The following CYP2S1 variants were observed in gnomAD, a reference collection of about 807,000 sequenced individuals.
CYP2S1 encodes the protein cytochrome P450 2S1.
Under a neutral mutation model 43.5 loss-of-function variants are expected in CYP2S1, and 32 were observed. That is an observed-to-expected ratio of 0.74 (90% CI 0.56 to 0.99). The LOEUF (loss-of-function observed/expected upper bound fraction) is 0.99. Among genes scored for constraint, CYP2S1 ranks in the 50% least tolerant of loss-of-function variants. The probability of loss-of-function intolerance (pLI) is 0.00; values close to 1 mark genes in which losing one functional copy is unlikely to be tolerated. For synonymous variants in CYP2S1, 283 were observed against 302.9 expected, an observed-to-expected ratio of 0.93 and a Z score of 0.68; for missense variants, 575 against 673.9, an observed-to-expected ratio of 0.85 and a Z score of 1.62.
At chr19:41,194,738 T>C in intron 2 of CYP2S1, 29 bp downstream of exon 2, 1 of 1,588,652 alleles carries the variant, frequency 6.3e-7, no homozygotes, top group Non-Finnish European at 8.5e-7. Flanking sequence ...GGCCCTCCGC[T>C]CACAGCCTGC....
chr19:41,203,788 T>C lies in CYP2S1; in HGVS notation c.1164+151T>C, dbSNP rs2033525437. ...ATCTCCCTCTCTTTCTCTGTCTCTG[T>C]CTTCCTCCTCCACTCCTACCCCCCT... On this transcript the variant is annotated intron_variant, in intron 7 of 8. Transcript: ENST00000310054. 23 of 833,566 alleles carry C rather than the reference T, an allele frequency of 2.8e-5. No individual in the cohort carries two copies. The South Asian group carries it at 3.6e-4, about 13-fold the overall frequency. 51.6% of individuals were successfully genotyped at this position (833,566 alleles called of 1,614,324 possible). A position where few individuals can be genotyped will look rare whatever the true frequency, so the allele number is the denominator to read the frequency against.
At chr19:41,193,597 G>C (rs1164479953) in intron 1 of CYP2S1, 156 bp downstream of exon 1, 2 of 1,316,284 alleles carry the variant, frequency 1.5e-6, no homozygotes, top group African/African-American at 1.5e-5. Context: ...GTTGGGGGCA[G>C]GAGCAGGTTG....
intron 7 of CYP2S1, among the ~76,000 whole-genome samples, chr19:41,205,342 T>TTTTC (rs3082705): frequency 0.032 from 3,598 of 111,634 alleles, 113 homozygotes; most frequent in Admixed American, 0.099. Context: ...TTCTTTCTTT[T>TTTTC]TTTCTTTCTT....
At chr19:41,204,190 T>A (rs1197284120) in intron 7 of CYP2S1, among the ~76,000 whole-genome samples, 2 of 152,134 alleles carry the variant, frequency 1.3e-5, no homozygotes, top group Non-Finnish European at 2.9e-5. Context: ...ACTCTTTCTG[T>A]TTCTTTTTGG....
In CYP2S1 at chr19:41,198,399, TCC is replaced by T. The variant is rs2033442076; in HGVS notation, c.494-62_494-61del. Reference sequence around the variant, plus strand: ...CTGTCTCTCTCTGGTTGGGTTCAGCTCCAACCTGCTCCCCTCTGCCTGGCTCC... The same window carrying T: ...CTGTCTCTCTCTGGTTGGGTTCAGCTAACCTGCTCCCCTCTGCCTGGCTCC... On this transcript the variant is annotated intron_variant, in intron 3 of 8. Coordinates refer to ENST00000310054, the MANE Select transcript of CYP2S1 (RefSeq NM_030622.8). This position sits in a 1 kb window ranked among gnomAD's most constrained non-coding sequence, Gnocchi z 4.9. 6.3e-7 allele frequency: 1 copy of T among 1,591,168 alleles called. No homozygotes were observed. Among genetic ancestry groups the T allele is most frequent in the African/African-American group, 1.3e-5 (1 of 74,586 alleles).
At chr19:41,197,755 T>C (rs338594) in intron 2 of CYP2S1, 24 bp from the exon 3 acceptor site, 885,833 of 1,611,526 alleles carry the variant, frequency 0.55, 245,942 homozygotes, top group African/African-American at 0.72. Flanking sequence ...GCCGGTCCCT[T>C]TTTGAGTCTA....
chr19:41,205,826 A>T, intron 7 of CYP2S1, 132 bp from the exon 8 acceptor site: 1 of 1,212,584 alleles, frequency 8.2e-7, no homozygotes, highest in Non-Finnish European at 1.1e-6. Flanking sequence ...GCCACTCAAC[A>T]CTCCACAAAT....
intron 1 of CYP2S1, among the ~76,000 whole-genome samples, chr19:41,194,109 G>T (rs1052514160): frequency 4.6e-5 from 7 of 152,024 alleles, no homozygotes; most frequent in South Asian, 2.1e-4. Flanking sequence ...TGACTTCAAG[G>T]ACGTAGAAAA....
chr19:41,198,688 T>C lies in CYP2S1; in HGVS notation c.655-21T>C. 1.2e-6 allele frequency: 2 copies of C among 1,613,518 alleles called. No individual in the cohort carries two copies. The highest frequency in any genetic ancestry group is 2.7e-5 in the African/African-American group (2 of 75,020). ...GTTCCTGCCAAGGTCCCATGAGAAC[T>C]AGCTGCCCTTCTCCCCACAGACCTA... is the stretch of plus-strand genomic sequence containing the variant. On this transcript the variant is annotated intron_variant, in intron 4 of 8. Transcript: ENST00000310054. The surrounding 1 kb of genome is among the most constrained non-coding windows in gnomAD (Gnocchi z 4.9).
rs1325451272 is a variant in CYP2S1, at chr19:41,201,009, C to CG, written c.835-220dup. On this transcript the variant is annotated intron_variant, in intron 5 of 8. Transcript: ENST00000310054. ...AGGAGAATTGCTTGAACCCAGGAGG[C>CG]GGAGGTTGCAGTGAGCCGAGATCGT... 3.3e-5 allele frequency among the ~76,000 whole-genome samples: 5 copies of CG among 151,856 alleles called. No homozygotes were observed. In the East Asian group the frequency reaches 7.8e-4, roughly 24 times the overall value.
chr19:41,203,297 T>C (rs901568865), intron 6 of CYP2S1, among the ~76,000 whole-genome samples, 153 bp from the exon 7 acceptor site: 3 of 152,058 alleles, frequency 2.0e-5, no homozygotes, highest in African/African-American at 7.2e-5. Flanking sequence ...ACACACAAGA[T>C]GTGTGGTCTT....
intron 6 of CYP2S1, 50 bp from the exon 7 acceptor site, chr19:41,203,400 G>T: frequency 1.3e-6 from 2 of 1,499,426 alleles, no homozygotes; most frequent in Non-Finnish European, 1.8e-6. Context: ...CTGAGAGGAG[G>T]ATCCCTGGGC....
At chr19:41,194,131 C>G (rs997833789) in intron 1 of CYP2S1, among the ~76,000 whole-genome samples, 3 of 151,642 alleles carry the variant, frequency 2.0e-5, no homozygotes, top group African/African-American at 7.3e-5. Flanking sequence ...AGGGTGGGGT[C>G]TTGGGGGAGA....
Position 41,198,711 on chromosome 19 carries a change from C to G in CYP2S1, c.657C>G (p.Thr219=), listed in dbSNP as rs748991274. The G allele has an allele frequency of 6.2e-7, 1 of 1,613,998 alleles. No homozygotes were observed. Among genetic ancestry groups the G allele is most frequent in the Admixed American group, 1.7e-5 (1 of 60,024 alleles). ...ACTAGCTGCCCTTCTCCCCACAGAC[C>G]TACGAGATGTTCTCCTGGTTCCTGC... ...LLGVSSQGGQ[T]YEMFSWFLRP... Residue 219 remains threonine (T), a splice_region_variant and synonymous_variant, in exon 5 of 9, where the codon ACC becomes ACG. Coordinates refer to ENST00000310054, the MANE Select transcript of CYP2S1 (RefSeq NM_030622.8). This position sits in a 1 kb window ranked among gnomAD's most constrained non-coding sequence, Gnocchi z 4.9.
At chr19:41,199,098 C>T (rs972400103) in intron 5 of CYP2S1, among the ~76,000 whole-genome samples, 15 of 152,108 alleles carry the variant, frequency 9.9e-5, no homozygotes, top group African/African-American at 3.4e-4. Flanking sequence ...CTGCCTCTCC[C>T]GCCCCCGACC....
At chr19:41,197,652 A>G (rs1365998385) in intron 2 of CYP2S1, 127 bp from the exon 3 acceptor site, 2 of 1,415,538 alleles carry the variant, frequency 1.4e-6, no homozygotes, top group African/African-American at 2.9e-5. Flanking sequence ...GTGAGACGAG[A>G]TCACGCCACT....
In CYP2S1 at chr19:41,195,805, T is replaced by C. The variant is rs539089814; in HGVS notation, c.343+1096T>C. 3.9e-5 allele frequency among the ~76,000 whole-genome samples: 6 copies of C among 152,216 alleles called. No homozygotes were observed. The South Asian group carries it at 8.3e-4, about 21-fold the overall frequency. On this transcript the variant is annotated intron_variant, in intron 2 of 8. Coordinates refer to ENST00000310054, the MANE Select transcript of CYP2S1 (RefSeq NM_030622.8). The stretch of plus-strand genomic sequence containing the variant: ...GCTCATGCCTGTAATCCCAGCACTT[T>C]GGAAGGCTGAATGGGGAGGATGACT...
chr19:41,193,495 A>G, intron 1 of CYP2S1, 54 bp downstream of exon 1: 1 of 1,387,560 alleles, frequency 7.2e-7, no homozygotes, highest in Non-Finnish European at 9.4e-7. Flanking sequence ...CTGGGAGAGA[A>G]ACCCGAGTGC....
chr19:41,204,151 G>A (rs1035544387), intron 7 of CYP2S1, among the ~76,000 whole-genome samples: 18 of 152,074 alleles, frequency 1.2e-4, no homozygotes, highest in African/African-American at 3.4e-4. Flanking sequence ...GTGAGCCACC[G>A]CACCCAGCCA....
Sources: allele counts gnomAD v4.1 joint callset (sites outside exome capture counted in the v4.1 genomes callset), GRCh38; gene constraint gnomAD v4.1.1; non-coding constraint Gnocchi (gnomAD v3.1); transcripts MANE v1.5; gene names NCBI Gene and HGNC (gene_info 2026-07-23, HGNC 2026-07-21).